The following IFI16 variants were observed in gnomAD, a reference collection of about 807,000 sequenced individuals.
The protein encoded by IFI16 is interferon gamma inducible protein 16, also known as gamma-interferon-inducible protein 16.
IFI16 carries 49 observed loss-of-function variants against 68.4 expected under a neutral mutation model. The observed-to-expected ratio is 0.72, with a 90% CI of 0.57 to 0.91. The LOEUF is 0.91. Among genes scored for constraint, IFI16 ranks in the 40% least tolerant of loss-of-function variants. The pLI, the probability that IFI16 is intolerant of heterozygous loss-of-function variation, is 0.00. For synonymous variants in IFI16, 307 were observed against 315.0 expected (o/e 0.97, Z 0.27); for missense variants, 878 against 942.9 (o/e 0.93, Z 0.90).
Position 159,016,688 on chromosome 1 carries a change from T to C in IFI16, c.537T>C (p.Ser179=), listed in dbSNP as rs1264185227. The C allele has an allele frequency of 6.2e-7, 1 of 1,613,052 alleles. No individual in the cohort carries two copies. The highest frequency in any genetic ancestry group is 1.7e-5 in the Admixed American group (1 of 59,790). Residue 179 remains serine (S), a synonymous_variant, in exon 4 of 12, where the codon AGT becomes AGC. Transcript: ENST00000295809. ...CCTCATTGTCAGCTCCACCCAACAG[T>C]TCTTCAACTGAGGTACACTCTTCCT... The part of the protein sequence containing the change: ...PKTSLSAPPN[S]SSTENPKTVA...
intron 6 of IFI16, among the ~76,000 whole-genome samples, chr1:159,028,724 A>G (rs950873409): frequency 2.0e-5 from 3 of 151,766 alleles, no homozygotes; most frequent in Non-Finnish European, 4.4e-5. Context: ...ACATTTTCCT[A>G]TTGGACTAGT....
At chr1:159,045,855 G>A (rs1163022661) in intron 8 of IFI16, among the ~76,000 whole-genome samples, 2 of 150,802 alleles carry the variant, frequency 1.3e-5, no homozygotes, top group East Asian at 3.9e-4. Context: ...AAAAATTTAG[G>A]AAAAGAAGGT....
At chr1:159,001,516 A>G (rs1652060149), upstream of IFI16, among the ~76,000 whole-genome samples, 1 of 152,256 alleles carries the variant, frequency 6.6e-6, no homozygotes, top group Non-Finnish European at 1.5e-5. Context: ...TTTATAAAGT[A>G]TTTTAAGGGA....
intron 9 of IFI16, among the ~76,000 whole-genome samples, chr1:159,050,790 CTT>C (rs1381003485): frequency 2.6e-5 from 4 of 152,160 alleles, no homozygotes; most frequent in South Asian, 2.1e-4. Flanking sequence ...GTCCATGACT[CTT>C]TTTAGTTCCT....
chr1:159,020,054 T>C (rs140895207), intron 5 of IFI16, among the ~76,000 whole-genome samples: 2,141 of 152,288 alleles, frequency 0.014, 23 homozygotes, highest in Non-Finnish European at 0.018. Context: ...TTCCTCTGTA[T>C]CAAGGTGCTT....
Position 159,015,449 on chromosome 1 carries a change from T to C in IFI16, c.266-423T>C, listed in dbSNP as rs1040827625. On this transcript the variant is annotated intron_variant, in intron 2 of 11. Coordinates refer to ENST00000295809, the MANE Select transcript of IFI16 (RefSeq NM_001376587.1). ...AAAAAGTCTAAGTCCAAAATCAGTATATCCTTCCTCATGGAAACCTTTGGC... is the reference window on the plus strand; with the variant it reads ...AAAAAGTCTAAGTCCAAAATCAGTACATCCTTCCTCATGGAAACCTTTGGC... 1.3e-5 allele frequency among the ~76,000 whole-genome samples: 2 copies of C among 152,368 alleles called. 1 individual carries two copies. The highest frequency in any genetic ancestry group is 4.1e-4 in the South Asian group (2 of 4,834).
intron 4 of IFI16, 97 bp downstream of exon 4, chr1:159,016,797 A>C (rs994906775): frequency 9.0e-7 from 1 of 1,107,104 alleles, no homozygotes; most frequent in Non-Finnish European, 1.3e-6. Context: ...ATAATTTGCT[A>C]GTTAATCCAA....
At chr1:159,029,113 T>C (rs1043522684) in intron 6 of IFI16, among the ~76,000 whole-genome samples, 3 of 152,342 alleles carry the variant, frequency 2.0e-5, no homozygotes, top group Middle Eastern at 3.4e-3. Context: ...AAATGTTTTA[T>C]GTTCTATTTT....
chr1:159,033,215 G>C (rs755927991), intron 7 of IFI16, among the ~76,000 whole-genome samples: 5 of 152,016 alleles, frequency 3.3e-5, no homozygotes, highest in African/African-American at 7.3e-5. Flanking sequence ...GCAAGTTCTC[G>C]CTGATACAAG....
intron 8 of IFI16, 90 bp downstream of exon 8, chr1:159,045,554 A>T: frequency 7.0e-7 from 1 of 1,435,412 alleles, no homozygotes; most frequent in Non-Finnish European, 9.5e-7. Flanking sequence ...CCAATCCCCT[A>T]CTACATACAA....
At chr1:159,029,040 C>T (rs933908652) in intron 6 of IFI16, among the ~76,000 whole-genome samples, 8 of 152,104 alleles carry the variant, frequency 5.3e-5, no homozygotes, top group Non-Finnish European at 1.0e-4. Context: ...CATTTGCTGC[C>T]TAAATACCTT....
At chr1:159,020,290 GGTT>G (rs1432790429) in intron 5 of IFI16, 48 bp from the exon 6 acceptor site, 6 of 1,363,574 alleles carry the variant, frequency 4.4e-6, no homozygotes, top group Middle Eastern at 1.8e-4. Flanking sequence ...GCCTATATGT[GGTT>G]GTTATTAATT....
Position 159,044,194 on chromosome 1 carries a change from G to A in IFI16, c.1330-1103G>A, listed in dbSNP as rs542015694. Among the ~76,000 whole-genome samples, 4 of 152,198 alleles carry A rather than the reference G, an allele frequency of 2.6e-5. No homozygotes were observed. The South Asian group carries it at 8.3e-4, about 32-fold the overall frequency. On this transcript the variant is annotated intron_variant, in intron 7 of 11. Coordinates refer to ENST00000295809, the MANE Select transcript of IFI16 (RefSeq NM_001376587.1). ...ATGGCTAGTCCCATCTCACATGTGG[G>A]AAAACTGAGGTGCAAAGAAATCTTC... is the stretch of plus-strand genomic sequence containing the variant.
chr1:159,052,173 G>A lies in IFI16; in HGVS notation c.2085+75G>A, dbSNP rs1311555453. 3.2e-6 allele frequency: 4 copies of A among 1,241,098 alleles called. No homozygotes were observed. In the South Asian group the frequency reaches 5.7e-5, roughly 18 times the overall value. 76.9% of individuals were successfully genotyped at this position (1,241,098 alleles called of 1,614,324 possible). On this transcript the variant is annotated intron_variant, in intron 10 of 11. Coordinates refer to ENST00000295809, the MANE Select transcript of IFI16 (RefSeq NM_001376587.1). ...TTAAAGTCTTAACTTGTCAACTGGAGTTTGGTCAACTTACTCAACACAGAA... is the reference window on the plus strand; with the variant it reads ...TTAAAGTCTTAACTTGTCAACTGGAATTTGGTCAACTTACTCAACACAGAA...
At chr1:159,028,557 A>G (rs1007621379) in intron 6 of IFI16, among the ~76,000 whole-genome samples, 2 of 152,130 alleles carry the variant, frequency 1.3e-5, no homozygotes, top group African/African-American at 2.4e-5. Flanking sequence ...TTTAAGTCCA[A>G]AAATTTTTGT....
chr1:159,036,702 A>T (rs555982114), intron 7 of IFI16, among the ~76,000 whole-genome samples: 18 of 152,152 alleles, frequency 1.2e-4, no homozygotes, highest in Non-Finnish European at 1.8e-4. Flanking sequence ...GTATCATCCT[A>T]TGTTTTACAT....
At chr1:159,036,465 C>G (rs1179671486) in intron 7 of IFI16, among the ~76,000 whole-genome samples, 1 of 152,158 alleles carries the variant, frequency 6.6e-6, no homozygotes, top group African/African-American at 2.4e-5. Flanking sequence ...TTTACTCAAG[C>G]TGATAATGAT....
At chr1:159,050,291 C>T (rs1317883731) in intron 9 of IFI16, among the ~76,000 whole-genome samples, 3 of 152,006 alleles carry the variant, frequency 2.0e-5, no homozygotes, top group African/African-American at 7.2e-5. Flanking sequence ...ATGTTGTTTC[C>T]AGTATTCTGT....
chr1:159,050,062 T>G (rs1655249585), intron 9 of IFI16, among the ~76,000 whole-genome samples: 1 of 152,234 alleles, frequency 6.6e-6, no homozygotes, highest in Non-Finnish European at 1.5e-5. Flanking sequence ...CAGTACATGG[T>G]CTTTCTGATT....
Sources: allele counts gnomAD v4.1 joint callset (sites outside exome capture counted in the v4.1 genomes callset), GRCh38; gene constraint gnomAD v4.1.1; transcripts MANE v1.5; gene names NCBI Gene and HGNC (gene_info 2026-07-23, HGNC 2026-07-21).